Variants in STK38 observed in about 807,000 individuals in gnomAD.
STK38 encodes serine/threonine kinase 38.
Under a neutral mutation model 59.0 loss-of-function variants are expected in STK38, and 26 were observed. That is an observed-to-expected ratio of 0.44 (90% CI 0.32 to 0.61). The LOEUF (loss-of-function observed/expected upper bound fraction) is 0.61. STK38 is among the 20% of genes least tolerant of loss of function. The pLI is 0.04. For synonymous variants in STK38, 175 were observed against 176.6 expected (o/e 0.99, Z 0.07); for missense variants, 433 against 566.0 (o/e 0.76, Z 2.38).
intron 2 of STK38, among the ~76,000 whole-genome samples, chr6:36,526,059 C>A (rs150972755): frequency 6.6e-6 from 1 of 152,138 alleles, no homozygotes; most frequent in African/African-American, 2.4e-5. Context: ...TTATATTGCC[C>A]AGGCTGGTCT....
chr6:36,505,839 T>C (rs1776950304), intron 9 of STK38, among the ~76,000 whole-genome samples: 1 of 152,248 alleles, frequency 6.6e-6, no homozygotes, highest in African/African-American at 2.4e-5. Context: ...TACGCATTTC[T>C]ATTATCTGGC....
intron 2 of STK38, 27 bp from the exon 3 acceptor site, chr6:36,525,669 G>A (rs1186027342): frequency 1.3e-6 from 2 of 1,585,128 alleles, no homozygotes; most frequent in Non-Finnish European, 1.7e-6. Context: ...CAAAAGACAT[G>A]AAATCACATC....
In STK38 at chr6:36,508,017, T is replaced by C. The variant is rs138607801; in HGVS notation, c.670-415A>G. ...GGCGTGATCATGGCTCACTGCAGCC[T>C]CGACCTCCCAGGTTCAAGCAATCCT... On this transcript the variant is annotated intron_variant, in intron 7 of 13. Coordinates refer to ENST00000229812, the MANE Select transcript of STK38 (RefSeq NM_007271.4). Among the ~76,000 whole-genome samples, 321 of 146,072 alleles carry C rather than the reference T, an allele frequency of 2.2e-3. 1 individual carries two copies. Among genetic ancestry groups the C allele is most frequent in the African/African-American group, 7.2e-3 (284 of 39,236 alleles).
intron 13 of STK38, 116 bp from the exon 14 acceptor site, chr6:36,496,030 T>C (rs1257291183): frequency 1.6e-6 from 2 of 1,264,792 alleles, no homozygotes; most frequent in African/African-American, 3.0e-5. Context: ...AAAGCTTATT[T>C]TTCACTCTAT....
intron 1 of STK38, among the ~76,000 whole-genome samples, chr6:36,540,734 C>G (rs1359402092): frequency 6.6e-6 from 1 of 151,992 alleles, no homozygotes; most frequent in Non-Finnish European, 1.5e-5. Flanking sequence ...TCAATCGATT[C>G]TCCCACCTCA....
In STK38 at chr6:36,496,813, G is replaced by A; in HGVS notation, c.1173-8C>T. ...ATTGCAGCAGGTCTCTCTCTGCCAA[G>A]AATACACATGCCAAAAATTACTAAG... On this transcript the variant is annotated splice_polypyrimidine_tract_variant and splice_region_variant and intron_variant, in intron 12 of 13. Transcript: ENST00000229812. 1 of 1,598,188 alleles carries A rather than the reference G, an allele frequency of 6.3e-7. No individual in the cohort carries two copies. The highest frequency in any genetic ancestry group is 2.2e-5 in the East Asian group (1 of 44,620).
intron 2 of STK38, among the ~76,000 whole-genome samples, chr6:36,527,063 G>C (rs1379584681): frequency 6.6e-6 from 1 of 151,124 alleles, no homozygotes; most frequent in Non-Finnish European, 1.5e-5. Context: ...GTGGTGGCGA[G>C]CGCCTGTAGT....
chr6:36,540,020 G>A (rs1777893612), intron 2 of STK38, 52 bp downstream of exon 2: 10 of 1,606,044 alleles, frequency 6.2e-6, no homozygotes, highest in East Asian at 2.2e-5. Context: ...TTTACAATAC[G>A]AGAAAGGAAT....
intron 5 of STK38, among the ~76,000 whole-genome samples, chr6:36,520,805 C>G (rs1476836408): frequency 1.3e-5 from 2 of 152,056 alleles, no homozygotes; most frequent in Non-Finnish European, 2.9e-5. Flanking sequence ...AATAAAAATT[C>G]CAAATTTTGG....
At chr6:36,528,303 A>T (rs1441254423) in intron 2 of STK38, among the ~76,000 whole-genome samples, 1 of 152,162 alleles carries the variant, frequency 6.6e-6, no homozygotes, top group Non-Finnish European at 1.5e-5. Context: ...AGCAGTAATG[A>T]GGATCTGATG....
At chr6:36,518,197 C>T (rs1444414299) in intron 5 of STK38, among the ~76,000 whole-genome samples, 1 of 151,986 alleles carries the variant, frequency 6.6e-6, no homozygotes, top group African/African-American at 2.4e-5. Flanking sequence ...AAAATAAGTC[C>T]CCAAAGTGAG....
intron 7 of STK38, 136 bp downstream of exon 7, chr6:36,515,201 GT>G: frequency 1.0e-6 from 1 of 1,003,818 alleles, no homozygotes; most frequent in Admixed American, 3.0e-5. Context: ...AAACTTACCT[GT>G]TTAAAAAAAA....
At chr6:36,544,564 T>C (rs1778015826) in intron 1 of STK38, among the ~76,000 whole-genome samples, 1 of 152,224 alleles carries the variant, frequency 6.6e-6, no homozygotes, top group Admixed American at 6.5e-5. Flanking sequence ...AGTTACATTT[T>C]AACAACTGAA....
intron 9 of STK38, among the ~76,000 whole-genome samples, chr6:36,500,931 T>C (rs1054366410): frequency 6.6e-6 from 1 of 151,968 alleles, no homozygotes; most frequent in Admixed American, 6.6e-5. Context: ...CCAAACTTAA[T>C]TGTTTTTGTA....
chr6:36,538,299 G>A (rs868576127), intron 2 of STK38, among the ~76,000 whole-genome samples: 56 of 150,800 alleles, frequency 3.7e-4, no homozygotes, highest in African/African-American at 1.3e-3. Context: ...GTGAGACTCC[G>A]TCTCAAAAAA....
chr6:36,498,747 C>G (rs9470293), intron 10 of STK38, among the ~76,000 whole-genome samples: 35,983 of 151,810 alleles, frequency 0.24, 4,494 homozygotes, highest in East Asian at 0.39. Flanking sequence ...ACCACCACAC[C>G]CAGCTGATTT....
At chr6:36,516,610 T>C (rs1777260465) in intron 6 of STK38, among the ~76,000 whole-genome samples, 1 of 152,234 alleles carries the variant, frequency 6.6e-6, no homozygotes, top group African/African-American at 2.4e-5. Flanking sequence ...TCCTAATCAC[T>C]CCTGGCAGCC....
intron 7 of STK38, among the ~76,000 whole-genome samples, chr6:36,508,823 C>G (rs763047794): frequency 6.6e-6 from 1 of 152,240 alleles, no homozygotes; most frequent in Non-Finnish European, 1.5e-5. Flanking sequence ...CCAGGCAGAG[C>G]AGGTAGCTCC....
intron 6 of STK38, among the ~76,000 whole-genome samples, chr6:36,516,694 G>T (rs1777262488): frequency 1.3e-5 from 2 of 152,196 alleles, no homozygotes; most frequent in South Asian, 4.1e-4. Context: ...TAGCTATACG[G>T]CCTTAGTTCT....
Sources: gnomAD v4.1 joint callset for allele counts (sites outside exome capture counted in the v4.1 genomes callset) on GRCh38, gnomAD v4.1.1 for gene constraint, MANE v1.5 for transcripts, NCBI Gene and HGNC (gene_info 2026-07-23, HGNC 2026-07-21) for gene names.